ASTN1: variants seen among roughly 807,000 people sequenced by gnomAD.
ASTN1 encodes the protein astrotactin 1.
A neutral mutation model predicts 140.7 loss-of-function variants in ASTN1; 41 were observed. The ratio of observed to expected loss-of-function variants is 0.29; its 90% CI spans 0.23 to 0.38. The LOEUF is 0.38. Among genes scored for constraint, ASTN1 ranks in the 10% least tolerant of loss-of-function variants. The pLI is 1.00. For synonymous variants in ASTN1, 640 were observed against 652.2 expected, an observed-to-expected ratio of 0.98 and a Z score of 0.29; for missense variants, 1,479 against 1,678.8, an observed-to-expected ratio of 0.88 and a Z score of 2.08.
chr1:176,970,951 A>G (rs1184335566), intron 8 of ASTN1, among the ~76,000 whole-genome samples: 1 of 152,210 alleles, frequency 6.6e-6, no homozygotes, highest in African/African-American at 2.4e-5. Flanking sequence ...CATCCTTTCA[A>G]GCCTGCTTCT....
chr1:177,157,835 A>C (rs1158522572), intron 1 of ASTN1, among the ~76,000 whole-genome samples: 2 of 152,162 alleles, frequency 1.3e-5, no homozygotes, highest in African/African-American at 4.8e-5. Flanking sequence ...TGTTATTTTG[A>C]ATTTATATAA....
At position 177,069,444 on chromosome 1, in the gene ASTN1, G is replaced by T. The variant is rs113819337; in HGVS notation, c.284-8179C>A. Among the ~76,000 whole-genome samples, 498 of 152,228 alleles carry T rather than the reference G, an allele frequency of 3.3e-3. 5 individuals are homozygous for T. Among genetic ancestry groups the T allele is most frequent in the African/African-American group, 0.011 (471 of 41,550 alleles). On this transcript the variant is annotated intron_variant, in intron 1 of 22. Transcript: ENST00000361833. ...GAAGAAGCAGGAGTGATGAGAGAAA[G>T]GAAATAAGCACCCTGGAGAGTCCAT...
chr1:177,099,896 T>C (rs1249335219), intron 1 of ASTN1, among the ~76,000 whole-genome samples: 1 of 152,246 alleles, frequency 6.6e-6, no homozygotes, highest in Non-Finnish European at 1.5e-5. Flanking sequence ...TTTGATTATA[T>C]GCATTTTCAT....
chr1:177,097,099 C>G (rs1406557863), intron 1 of ASTN1, among the ~76,000 whole-genome samples: 1 of 151,914 alleles, frequency 6.6e-6, no homozygotes, highest in African/African-American at 2.4e-5. Context: ...CCTAAATAAA[C>G]TAAGACAAAA....
intron 20 of ASTN1, 66 bp from the exon 21 acceptor site, chr1:176,876,703 C>G (rs1202735431): frequency 6.7e-7 from 1 of 1,502,898 alleles, no homozygotes; most frequent in Admixed American, 1.8e-5. Flanking sequence ...CTCTGTGGCC[C>G]TAGCTCATGG....
chr1:177,089,820 C>T (rs1268540861), intron 1 of ASTN1, among the ~76,000 whole-genome samples: 1 of 152,026 alleles, frequency 6.6e-6, no homozygotes, highest in Non-Finnish European at 1.5e-5. Context: ...AATAGAGACA[C>T]GAAAATAGAA....
At chr1:177,150,419 C>T (rs973900410) in intron 1 of ASTN1, among the ~76,000 whole-genome samples, 7 of 152,084 alleles carry the variant, frequency 4.6e-5, no homozygotes, top group Non-Finnish European at 7.4e-5. Context: ...TACCTCTGGA[C>T]ATTTGACTGG....
intron 1 of ASTN1, among the ~76,000 whole-genome samples, chr1:177,160,469 C>T (rs532150982): frequency 6.6e-6 from 1 of 152,180 alleles, no homozygotes; most frequent in Non-Finnish European, 1.5e-5. Flanking sequence ...AAGCAAAATG[C>T]CAAGGCACAA....
At chr1:177,118,554 G>A (rs965187864) in intron 1 of ASTN1, among the ~76,000 whole-genome samples, 8 of 152,188 alleles carry the variant, frequency 5.3e-5, no homozygotes, top group Non-Finnish European at 8.8e-5. Flanking sequence ...GTTCTGAACA[G>A]GTAGGCCCCT....
intron 8 of ASTN1, among the ~76,000 whole-genome samples, chr1:177,000,924 C>T (rs1674698256): frequency 6.6e-6 from 1 of 152,128 alleles, no homozygotes; most frequent in South Asian, 2.1e-4. Flanking sequence ...GGGCTTCCAC[C>T]TCTATGTGTC....
At chr1:177,145,022 C>CT (rs1168763911) in intron 1 of ASTN1, among the ~76,000 whole-genome samples, 2 of 152,244 alleles carry the variant, frequency 1.3e-5, no homozygotes, top group East Asian at 1.9e-4. Flanking sequence ...TGCCTTAAAT[C>CT]TTTAAGTCTC....
At chr1:177,061,735 A>T (rs1337891144) in intron 1 of ASTN1, among the ~76,000 whole-genome samples, 1 of 152,236 alleles carries the variant, frequency 6.6e-6, no homozygotes, top group Non-Finnish European at 1.5e-5. Flanking sequence ...TTTATGGAAT[A>T]GTCCTGGGAG....
intron 1 of ASTN1, among the ~76,000 whole-genome samples, chr1:177,162,265 T>C (rs1647422811): frequency 6.6e-6 from 1 of 152,246 alleles, no homozygotes; most frequent in South Asian, 2.1e-4. Flanking sequence ...CAAACTGAAA[T>C]TCATTCCTTC....
chr1:176,910,126 T>C (rs767446315), intron 16 of ASTN1, among the ~76,000 whole-genome samples: 6 of 152,222 alleles, frequency 3.9e-5, no homozygotes, highest in Non-Finnish European at 8.8e-5. Context: ...AAATGGTTGA[T>C]AAGAAAATTC....
intron 1 of ASTN1, among the ~76,000 whole-genome samples, chr1:177,098,138 C>T (rs1009287850): frequency 6.6e-6 from 1 of 152,096 alleles, no homozygotes. Flanking sequence ...GGCATTTGGT[C>T]AGAAGTATGA....
chr1:177,113,912 T>A (rs1044774046), intron 1 of ASTN1, among the ~76,000 whole-genome samples: 1 of 152,182 alleles, frequency 6.6e-6, no homozygotes, highest in South Asian at 2.1e-4. Flanking sequence ...GGGAGTAAAC[T>A]TGATATACTA....
chr1:177,071,536 G>C (rs576429984), intron 1 of ASTN1, among the ~76,000 whole-genome samples: 3 of 152,248 alleles, frequency 2.0e-5, no homozygotes, highest in African/African-American at 7.2e-5. Flanking sequence ...CCTCATTCTA[G>C]GGAACAGGCT....
At chr1:176,859,516 G>C (rs1029518309), downstream of ASTN1, among the ~76,000 whole-genome samples, 23 of 152,322 alleles carry the variant, frequency 1.5e-4, no homozygotes, top group African/African-American at 5.1e-4. Flanking sequence ...CGGGCACAGT[G>C]GTTCACACCT....
intron 1 of ASTN1, among the ~76,000 whole-genome samples, chr1:177,067,906 TG>T (rs148646767): frequency 0.05 from 7,650 of 152,158 alleles, 249 homozygotes; most frequent in South Asian, 0.12. Flanking sequence ...GCCCTTGGAC[TG>T]AGCTGGCTGA....
Sources: allele counts gnomAD v4.1 joint callset (sites outside exome capture counted in the v4.1 genomes callset), GRCh38; gene constraint gnomAD v4.1.1; transcripts MANE v1.5; gene names NCBI Gene and HGNC (gene_info 2026-07-23, HGNC 2026-07-21).